TRPC5: variants seen among roughly 807,000 people sequenced by gnomAD.
TRPC5 encodes short transient receptor potential channel 5.
Under a neutral mutation model 56.5 loss-of-function variants are expected in TRPC5, and 9 were observed. The ratio of observed to expected loss-of-function variants is 0.16; its 90% confidence interval spans 0.10 to 0.28. The LOEUF is 0.28. Ranked by LOEUF, TRPC5 falls within the 10% of genes least tolerant of loss-of-function variation. The pLI is 1.00. For missense variants in TRPC5, 469 were observed against 748.9 expected, an observed-to-expected ratio of 0.63 and a Z score of 4.36; for synonymous variants, 282 against 278.5, an observed-to-expected ratio of 1.01 and a Z score of -0.13.
At chrX:112,063,664 G>T (rs1196366550) in intron 1 of TRPC5, among the ~76,000 whole-genome samples, 2 of 112,330 alleles carry the variant, frequency 1.8e-5, no homozygotes, top group African/African-American at 6.5e-5. Flanking sequence ...GTGTATGCTT[G>T]CATGAATTCT....
chrX:111,833,959 G>A (rs949787693), intron 7 of TRPC5, among the ~76,000 whole-genome samples: 5 of 111,180 alleles, frequency 4.5e-5, no homozygotes, highest in Non-Finnish European at 3.8e-5. Flanking sequence ...TGATCCAGAG[G>A]GGGTAATCTA....
chrX:112,033,665 T>G (rs1188602001), intron 1 of TRPC5, among the ~76,000 whole-genome samples: 2 of 111,636 alleles, frequency 1.8e-5, no homozygotes, highest in African/African-American at 6.5e-5. Flanking sequence ...TTTTATAGTT[T>G]TAGCTCTTAT....
chrX:111,818,627 CAG>C (rs1434248177), intron 7 of TRPC5, among the ~76,000 whole-genome samples: 1 of 91,079 alleles, frequency 1.1e-5, no homozygotes, highest in Non-Finnish European at 2.1e-5. Flanking sequence ...TTTTTTTAGA[CAG>C]AGTCTCGCTC....
chrX:111,843,932 GAGAATGAGAGAGAGAC>G (rs1898610547), intron 6 of TRPC5, among the ~76,000 whole-genome samples: 1 of 105,324 alleles, frequency 9.5e-6, no homozygotes, highest in African/African-American at 3.5e-5. Context: ...GTGAGAGAGA[GAGAATGAGAGAGAGAC>G]AGAGAGAGAA....
chrX:111,962,600 T>C (rs1390019723), intron 1 of TRPC5, among the ~76,000 whole-genome samples: 2 of 112,337 alleles, frequency 1.8e-5, no homozygotes, highest in Non-Finnish European at 3.7e-5. Context: ...ATGGAATATA[T>C]TCCTGTTGAA....
At chrX:111,898,677 G>T (rs945143608) in intron 3 of TRPC5, among the ~76,000 whole-genome samples, 2 of 110,157 alleles carry the variant, frequency 1.8e-5, no homozygotes, top group Non-Finnish European at 3.8e-5. Flanking sequence ...TGTATGTGGG[G>T]GTAAGGTGAG....
chrX:111,799,958 C>A (rs1489947242), intron 7 of TRPC5, among the ~76,000 whole-genome samples: 1 of 112,143 alleles, frequency 8.9e-6, no homozygotes, highest in Non-Finnish European at 1.9e-5. Flanking sequence ...ATTAGACAAT[C>A]TGGCAGAAGA....
rs766116411 is a variant in TRPC5, at chrX:111,879,476, C to A, written c.901-25370G>T. Among the ~76,000 whole-genome samples the A allele has an allele frequency of 3.6e-5, 4 of 112,148 alleles. No individual in the cohort carries two copies. In the South Asian group the frequency reaches 1.1e-3, roughly 32 times the overall value. Reference sequence around the variant, plus strand: ...CTCTCACCTTTTCCAGGCTTTGGTCCTTGCTATTGCCCTTGAATCTTCTTA... The same window carrying A: ...CTCTCACCTTTTCCAGGCTTTGGTCATTGCTATTGCCCTTGAATCTTCTTA... On this transcript the variant is annotated intron_variant, in intron 3 of 10. Coordinates refer to ENST00000262839, the MANE Select transcript of TRPC5 (RefSeq NM_012471.3).
intron 3 of TRPC5, among the ~76,000 whole-genome samples, chrX:111,899,891 G>GT (rs777506091): frequency 1.4e-4 from 15 of 110,951 alleles, no homozygotes; most frequent in African/African-American, 4.9e-4. Flanking sequence ...TCTAGTACCC[G>GT]TTCTCCTATA....
At chrX:111,960,203 A>C (rs772166546) in intron 1 of TRPC5, among the ~76,000 whole-genome samples, 2 of 112,151 alleles carry the variant, frequency 1.8e-5, no homozygotes, top group Non-Finnish European at 3.8e-5. Flanking sequence ...TTCTGACTCT[A>C]AAAGGACTAT....
intron 3 of TRPC5, chrX:111,896,262 C>T (rs1235525752): frequency 9.0e-6 from 1 of 110,802 alleles, no homozygotes; most frequent in East Asian, 2.8e-4. Flanking sequence ...GCAAATGCCA[C>T]AGGAAAGGAA....
chrX:111,937,459 A>G (rs1392790649), intron 2 of TRPC5, among the ~76,000 whole-genome samples: 1,060 of 104,148 alleles, frequency 0.01, 21 homozygotes, highest in African/African-American at 0.036. Context: ...GTTTTCTTCT[A>G]GGGTTTTTAT....
chrX:112,003,365 G>A (rs1446331731), intron 1 of TRPC5, among the ~76,000 whole-genome samples: 2 of 111,085 alleles, frequency 1.8e-5, no homozygotes, highest in Non-Finnish European at 3.8e-5. Context: ...GGGTCAGTAG[G>A]AGTTAAATGA....
intron 1 of TRPC5, among the ~76,000 whole-genome samples, chrX:111,986,929 T>C (rs910556940): frequency 4.5e-5 from 5 of 111,802 alleles, no homozygotes; most frequent in Non-Finnish European, 9.4e-5. Context: ...AGATCATTTA[T>C]GTGGCACTTG....
chrX:112,065,712 G>A (rs1025043405), intron 1 of TRPC5, among the ~76,000 whole-genome samples: 2 of 111,104 alleles, frequency 1.8e-5, no homozygotes, highest in Admixed American at 9.6e-5. Flanking sequence ...CCAACATGGC[G>A]AAAACTCATC....
intron 3 of TRPC5, among the ~76,000 whole-genome samples, chrX:111,866,069 G>A (rs1452240569): frequency 1.8e-5 from 2 of 113,124 alleles, no homozygotes; most frequent in African/African-American, 6.4e-5. Flanking sequence ...AGCCAGGACT[G>A]GGGAACTAGC....
In TRPC5 at chrX:111,776,921, T is replaced by C. The variant is rs1261533752; in HGVS notation, c.2314A>G (p.Thr772Ala). 8.3e-7 allele frequency: 1 copy of C among 1,197,631 alleles called. No individual in the cohort carries two copies. The highest frequency in any genetic ancestry group is 1.8e-5 in the South Asian group (1 of 54,482). The stretch of plus-strand genomic sequence containing the variant: ...CTCTGAGACAGTTCAGTGCTGCTAG[T>C]GGAAAAGCTCCTTGGATGTTTTCTA... ...GNRKHPRSFSTSSTELSQRDD... is the reference protein window; with the variant it reads ...GNRKHPRSFSASSTELSQRDD... The change falls in exon 11 of 11, where the codon ACT becomes GCT. Residue 772 changes from threonine to alanine, a missense_variant. Thr to Ala is a moderately conservative substitution (Grantham distance 58). Coordinates refer to ENST00000262839, the MANE Select transcript of TRPC5 (RefSeq NM_012471.3).
chrX:112,027,189 A>G (rs1929435851), intron 1 of TRPC5, among the ~76,000 whole-genome samples: 1 of 112,056 alleles, frequency 8.9e-6, no homozygotes, highest in Admixed American at 9.5e-5. Flanking sequence ...GGGTGAAGAT[A>G]ATTCATGTGT....
intron 2 of TRPC5, among the ~76,000 whole-genome samples, chrX:111,938,750 A>T (rs1348380563): frequency 8.9e-6 from 1 of 112,176 alleles, no homozygotes; most frequent in Admixed American, 9.5e-5. Context: ...TCGGTTTGTC[A>T]GTATTTTACT....
Sources: allele counts gnomAD v4.1 joint callset (sites outside exome capture counted in the v4.1 genomes callset), GRCh38; gene constraint gnomAD v4.1.1; transcripts MANE v1.5; gene names NCBI Gene and HGNC (gene_info 2026-07-23, HGNC 2026-07-21).